Variants in PLVAP observed in about 807,000 individuals in gnomAD.
PLVAP encodes the protein plasmalemma vesicle associated protein, also known as plasmalemma vesicle-associated protein.
PLVAP carries 34 observed loss-of-function variants against 43.1 expected under a neutral mutation model. That is an observed-to-expected ratio of 0.79 (90% confidence interval 0.60 to 1.05). PLVAP has a LOEUF of 1.05. PLVAP is among the 50% of genes least tolerant of loss of function. The pLI is 0.00. For missense variants in PLVAP, 574 were observed against 593.4 expected, an observed-to-expected ratio of 0.97 and a Z score of 0.34; for synonymous variants, 241 against 237.3, an observed-to-expected ratio of 1.02 and a Z score of -0.14.
At chr19:17,366,276 C>G in intron 1 of PLVAP, 81 bp from the exon 2 acceptor site, 1 of 1,393,060 alleles carries the variant, frequency 7.2e-7, no homozygotes, top group South Asian at 1.2e-5. Flanking sequence ...ATCGAGCACC[C>G]TGGTGGCCAG....
intron 5 of PLVAP, among the ~76,000 whole-genome samples, chr19:17,355,296 C>T (rs1317676754): frequency 1.3e-5 from 2 of 150,962 alleles, no homozygotes; most frequent in Non-Finnish European, 2.9e-5. Flanking sequence ...AAAAAAAGCT[C>T]TTCCCATTGC....
intron 5 of PLVAP, among the ~76,000 whole-genome samples, chr19:17,359,471 T>C (rs917560085): frequency 2.0e-5 from 3 of 151,772 alleles, no homozygotes; most frequent in Non-Finnish European, 2.9e-5. Context: ...AATGGTGTCA[T>C]CTCGGCTCAC....
At chr19:17,356,225 G>A (rs962313336) in intron 5 of PLVAP, among the ~76,000 whole-genome samples, 1 of 152,090 alleles carries the variant, frequency 6.6e-6, no homozygotes, top group African/African-American at 2.4e-5. Context: ...CATGAGAATC[G>A]CTTGAACCCG....
At chr19:17,376,552 A>G (rs2074596002) in intron 1 of PLVAP, among the ~76,000 whole-genome samples, 1 of 151,908 alleles carries the variant, frequency 6.6e-6, no homozygotes, top group South Asian at 2.1e-4. Context: ...AATCCCAACA[A>G]TTTGGGAGGC....
chr19:17,363,642 G>A (rs1243931798), intron 3 of PLVAP, among the ~76,000 whole-genome samples: 3 of 151,402 alleles, frequency 2.0e-5, no homozygotes, highest in Admixed American at 6.6e-5. Context: ...GTGCAATCCC[G>A]GCTCACTGCA....
intron 5 of PLVAP, among the ~76,000 whole-genome samples, chr19:17,359,767 A>ACTGCAACCTCCGCCTCC (rs1241436115): frequency 7.2e-6 from 1 of 138,550 alleles, no homozygotes; most frequent in African/African-American, 2.7e-5. Context: ...ATCTCGGCTC[A>ACTGCAACCTCCGCCTCC]CTGCAACCTC....
chr19:17,376,919 C>T lies in PLVAP; in HGVS notation c.369+1G>A. On this transcript the variant is annotated splice_donor_variant, in intron 1 of 5. Coordinates refer to ENST00000252590, the MANE Select transcript of PLVAP (RefSeq NM_031310.3). LOFTEE classifies it high-confidence loss of function. ...GGCGAGTGTCCTGCCCACAGCCTTACCCGGTCACCCTGGCACTGGCGGAAG... is the reference window on the plus strand; with the variant it reads ...GGCGAGTGTCCTGCCCACAGCCTTATCCGGTCACCCTGGCACTGGCGGAAG... 6.2e-7 allele frequency: 1 copy of T among 1,611,410 alleles called. No individual in the cohort carries two copies. The highest frequency in any genetic ancestry group is 8.5e-7 in the Non-Finnish European group (1 of 1,178,818).
intron 5 of PLVAP, 90 bp from the exon 6 acceptor site, chr19:17,352,458 G>T: frequency 6.9e-7 from 1 of 1,446,264 alleles, no homozygotes; most frequent in Non-Finnish European, 9.7e-7. Context: ...TCCTCAGCGG[G>T]GACACAACAT....
rs376443893 is a variant in PLVAP at position 17,372,689 on chromosome 19, C to G, written c.369+4231G>C. ...GCCAGCATGGTCTCGATCTCCTGAC[C>G]TAGTGATCCACCCACCTCGGCCTCC... is the stretch of plus-strand genomic sequence containing the variant. On this transcript the variant is annotated intron_variant, in intron 1 of 5. Coordinates refer to ENST00000252590, the MANE Select transcript of PLVAP (RefSeq NM_031310.3). Among the ~76,000 whole-genome samples the G allele has an allele frequency of 4.0e-5, 6 of 150,728 alleles. No individual in the cohort carries two copies. In the South Asian group the frequency reaches 8.4e-4, roughly 21 times the overall value.
intron 5 of PLVAP, among the ~76,000 whole-genome samples, chr19:17,358,415 C>T (rs1430308051): frequency 5.9e-5 from 9 of 152,236 alleles, no homozygotes; most frequent in South Asian, 4.1e-4. Context: ...ACAATAGCTC[C>T]GTGGCAAAAT....
chr19:17,355,261 TAAAATA>T (rs2074502214), intron 5 of PLVAP, among the ~76,000 whole-genome samples: 1 of 145,876 alleles, frequency 6.9e-6, no homozygotes, highest in African/African-American at 2.5e-5. Flanking sequence ...ATAATAATAA[TAAAATA>T]AATAATAAAA....
At position 17,365,512 on chromosome 19, in the gene PLVAP, C is replaced by G. The variant is rs1419099438; in HGVS notation, c.953G>C (p.Ser318Thr). ...KLEAQQGLRA[S>T]QEAKQKVEKE... ...CTCCACCTTCTGTTTCGCCTCCTGACTGGCCCGCAGGCCCTGCTGGGCTTC... is the reference window on the plus strand; with the variant it reads ...CTCCACCTTCTGTTTCGCCTCCTGAGTGGCCCGCAGGCCCTGCTGGGCTTC... Residue 318 changes from serine (S) to threonine (T), a missense_variant, in exon 3 of 6, where the codon AGT becomes ACT. By Grantham distance (58) the Ser-to-Thr change is moderately conservative. Transcript: ENST00000252590. 3 of 1,612,212 alleles carry G rather than the reference C, an allele frequency of 1.9e-6. No homozygotes were observed. The Admixed American group carries it at 5.0e-5, about 27-fold the overall frequency.
chr19:17,367,593 TG>T (rs796239815), intron 1 of PLVAP, among the ~76,000 whole-genome samples: 22 of 152,272 alleles, frequency 1.4e-4, no homozygotes, highest in African/African-American at 5.3e-4. Context: ...TTCTCCATGT[TG>T]GTCAGGCTGG....
At position 17,352,139 on chromosome 19, in the gene PLVAP, G is replaced by T; in HGVS notation, c.*223C>A. On this transcript the variant is annotated 3_prime_UTR_variant, in exon 6 of 6. Coordinates refer to ENST00000252590, the MANE Select transcript of PLVAP (RefSeq NM_031310.3). ...ATGTGACGTCAGCGCCGTTGCTTGC[G>T]TGACGTCATCTCCGCGGCCGTGTGC... The T allele has an allele frequency of 1.7e-6, 1 of 599,992 alleles. No homozygotes were observed. The highest frequency in any genetic ancestry group is 3.0e-6 in the Non-Finnish European group (1 of 337,934). The allele number at this position is 599,992 out of a possible 1,614,324, so 37.2% of individuals were successfully genotyped here.
intron 1 of PLVAP, among the ~76,000 whole-genome samples, chr19:17,374,217 A>C (rs998951334): frequency 2.6e-5 from 4 of 152,172 alleles, no homozygotes; most frequent in African/African-American, 9.6e-5. Flanking sequence ...CTGTAATCCC[A>C]GCACTTTGGG....
intron 1 of PLVAP, among the ~76,000 whole-genome samples, chr19:17,369,148 A>G (rs2074561629): frequency 6.6e-6 from 1 of 152,068 alleles, no homozygotes; most frequent in Non-Finnish European, 1.5e-5. Context: ...TCATGAGGCA[A>G]ACAACAGTCT....
At chr19:17,375,294 C>G (rs561965513) in intron 1 of PLVAP, among the ~76,000 whole-genome samples, 1 of 152,012 alleles carries the variant, frequency 6.6e-6, no homozygotes, top group Non-Finnish European at 1.5e-5. Flanking sequence ...GTGCTGGACC[C>G]CTTTGATTAG....
At chr19:17,360,939 A>C (rs1265185745) in intron 3 of PLVAP, 107 bp from the exon 4 acceptor site, 1 of 970,080 alleles carries the variant, frequency 1.0e-6, no homozygotes, top group African/African-American at 2.1e-5. Flanking sequence ...TTTGAGACGG[A>C]GTTTCGCTCT....
intron 5 of PLVAP, among the ~76,000 whole-genome samples, chr19:17,360,199 G>A (rs1328257767): frequency 6.6e-6 from 1 of 152,156 alleles, no homozygotes; most frequent in African/African-American, 2.4e-5. Flanking sequence ...TACTATTATT[G>A]TTAAGTTGTG....
Sources: gnomAD v4.1 joint callset for allele counts (sites outside exome capture counted in the v4.1 genomes callset) on GRCh38, gnomAD v4.1.1 for gene constraint, MANE v1.5 for transcripts, NCBI Gene and HGNC (gene_info 2026-07-23, HGNC 2026-07-21) for gene names.